The following FHIT variants were observed in gnomAD, a reference collection of about 807,000 sequenced individuals.
FHIT encodes the protein bis(5'-adenosyl)-triphosphatase.
A neutral mutation model predicts 17.9 loss-of-function variants in FHIT; 19 were observed. The observed-to-expected ratio is 1.06, with a 90% CI of 0.74 to 1.56. FHIT has a LOEUF of 1.56. Among genes scored for constraint, FHIT ranks in the 40% most tolerant of loss-of-function variants. FHIT has a pLI of 0.00. For synonymous variants in FHIT, 81 were observed against 69.7 expected, an observed-to-expected ratio of 1.16 and a Z score of -0.81; for missense variants, 248 against 189.2, an observed-to-expected ratio of 1.31 and a Z score of -1.82.
intron 2 of FHIT, among the ~76,000 whole-genome samples, chr3:61,083,875 A>T (rs997625335): frequency 3.3e-5 from 5 of 152,050 alleles, no homozygotes; most frequent in African/African-American, 9.7e-5. Context: ...CATTGTACGG[A>T]TATACCACAT....
rs936151986 is a variant in FHIT at position 59,961,670 on chromosome 3, T to G, written c.280-39256A>C. ...GGCTTCCCTTGGCTAGGGGAGGGAG[T>G]TCCCTGACCCCTTGTGCTTCCCAAG... is the stretch of plus-strand genomic sequence containing the variant. On this transcript the variant is annotated intron_variant, in intron 7 of 9. Transcript: ENST00000492590. Among the ~76,000 whole-genome samples, 5 of 151,490 alleles carry G rather than the reference T, an allele frequency of 3.3e-5. No individual in the cohort carries two copies. In the East Asian group the frequency reaches 9.8e-4, roughly 30 times the overall value.
intron 4 of FHIT, among the ~76,000 whole-genome samples, chr3:60,731,025 C>T (rs1015869820): frequency 6.6e-5 from 10 of 151,310 alleles, no homozygotes; most frequent in South Asian, 2.1e-4. Context: ...CAGCTACTTG[C>T]GAGGCTGAGG....
rs146125238 is a variant in FHIT, at chr3:60,778,934, C to G, written c.-18+42985G>C. Among the ~76,000 whole-genome samples the G allele has an allele frequency of 5.8e-3, 876 of 152,252 alleles. 8 individuals carry two copies. Among genetic ancestry groups the G allele is most frequent in the African/African-American group, 0.02 (829 of 41,554 alleles). On this transcript the variant is annotated intron_variant, in intron 4 of 9. Transcript: ENST00000492590. Reference sequence around the variant, plus strand: ...TGTGGTCAGTAAAGAATGTCACTTTCTAGCAGGTCCAAGAGCTCCAAGTTT... The same window carrying G: ...TGTGGTCAGTAAAGAATGTCACTTTGTAGCAGGTCCAAGAGCTCCAAGTTT...
intron 3 of FHIT, among the ~76,000 whole-genome samples, chr3:60,968,012 T>C (rs1385182169): frequency 1.3e-5 from 2 of 152,308 alleles, no homozygotes; most frequent in South Asian, 2.1e-4. Context: ...AAAAAAAAAT[T>C]AGTAAGAAAT....
chr3:60,554,049 G>A (rs1303737906), intron 4 of FHIT, among the ~76,000 whole-genome samples: 4 of 151,916 alleles, frequency 2.6e-5, no homozygotes, highest in Admixed American at 6.6e-5. Context: ...ATTGTGCTGC[G>A]CCACTGCACT....
chr3:60,694,895 C>G (rs2041079716), intron 4 of FHIT, among the ~76,000 whole-genome samples: 1 of 151,932 alleles, frequency 6.6e-6, no homozygotes, highest in African/African-American at 2.4e-5. Context: ...AGGGGAACAT[C>G]ACACACCGGG....
chr3:60,440,326 G>C (rs1385776106), intron 5 of FHIT, among the ~76,000 whole-genome samples: 1 of 152,022 alleles, frequency 6.6e-6, no homozygotes. Context: ...CATTCTGAGT[G>C]CCCTGTTACC....
intron 5 of FHIT, among the ~76,000 whole-genome samples, chr3:60,280,516 A>G (rs1707379130): frequency 6.6e-6 from 1 of 152,170 alleles, no homozygotes; most frequent in Non-Finnish European, 1.5e-5. Flanking sequence ...AAGGTGAAAT[A>G]ACACAGACTC....
At chr3:60,703,641 T>C (rs572856081) in intron 4 of FHIT, among the ~76,000 whole-genome samples, 1 of 152,330 alleles carries the variant, frequency 6.6e-6, no homozygotes, top group Non-Finnish European at 1.5e-5. Context: ...CAAGTTTTGA[T>C]ATAACATTTT....
chr3:60,605,840 G>T (rs11719227), intron 4 of FHIT, among the ~76,000 whole-genome samples: 1 of 152,172 alleles, frequency 6.6e-6, no homozygotes, highest in Non-Finnish European at 1.5e-5. Flanking sequence ...CAGGGGATGG[G>T]AGAGGAGGAA....
At chr3:61,099,164 T>C (rs543003479) in intron 2 of FHIT, among the ~76,000 whole-genome samples, 1 of 152,310 alleles carries the variant, frequency 6.6e-6, no homozygotes, top group South Asian at 2.1e-4. Context: ...CTTTTCTACA[T>C]CTATTGAGAT....
intron 5 of FHIT, among the ~76,000 whole-genome samples, chr3:60,369,230 AC>A (rs1700228437): frequency 6.6e-6 from 1 of 152,004 alleles, no homozygotes; most frequent in South Asian, 2.1e-4. Context: ...CCTCAGCCTC[AC>A]ACAGTGCTGG....
chr3:60,738,529 C>T (rs2042178489), intron 4 of FHIT, among the ~76,000 whole-genome samples: 4 of 152,160 alleles, frequency 2.6e-5, no homozygotes, highest in South Asian at 4.1e-4. Flanking sequence ...CCTGCTTTAC[C>T]GTGACCGCAA....
At chr3:59,773,535 G>C (rs759523889) in intron 8 of FHIT, among the ~76,000 whole-genome samples, 29 of 152,128 alleles carry the variant, frequency 1.9e-4, no homozygotes, top group Non-Finnish European at 3.2e-4. Flanking sequence ...TCCTCCCACT[G>C]TTCCCTGAGT....
intron 5 of FHIT, among the ~76,000 whole-genome samples, chr3:60,157,080 T>C (rs1178837575): frequency 6.6e-6 from 1 of 152,194 alleles, no homozygotes; most frequent in Non-Finnish European, 1.5e-5. Flanking sequence ...ATTTATAATC[T>C]GATTTATAAA....
intron 2 of FHIT, among the ~76,000 whole-genome samples, chr3:61,053,697 A>T (rs935044366): frequency 3.3e-5 from 5 of 151,768 alleles, no homozygotes; most frequent in African/African-American, 1.2e-4. Context: ...TTTCAAGTTA[A>T]TTTTTTTTAA....
At chr3:60,700,942 A>G (rs1559650156) in intron 4 of FHIT, among the ~76,000 whole-genome samples, 1 of 152,088 alleles carries the variant, frequency 6.6e-6, no homozygotes, top group Admixed American at 6.6e-5. Context: ...GTGTCTAAGA[A>G]TTCCTATTTT....
chr3:60,209,571 C>G (rs1703355622), intron 5 of FHIT, among the ~76,000 whole-genome samples: 1 of 152,122 alleles, frequency 6.6e-6, no homozygotes. Flanking sequence ...AATCTCATTC[C>G]CTCTGCAAAG....
intron 2 of FHIT, among the ~76,000 whole-genome samples, chr3:61,200,269 G>A (rs1002843701): frequency 1.3e-5 from 2 of 152,142 alleles, no homozygotes; most frequent in Non-Finnish European, 2.9e-5. Context: ...TATTTGGCCA[G>A]CTAGTTTTAT....
Sources: allele counts gnomAD v4.1 joint callset (sites outside exome capture counted in the v4.1 genomes callset), GRCh38; gene constraint gnomAD v4.1.1; transcripts MANE v1.5; gene names NCBI Gene and HGNC (gene_info 2026-07-23, HGNC 2026-07-21).